Variants in CWH43 observed in about 807,000 individuals in gnomAD.
CWH43 encodes the protein cell wall biogenesis 43 C-terminal homolog, also known as PGAP2-interacting protein.
CWH43 carries 91 observed loss-of-function variants against 85.7 expected under a neutral mutation model. The observed-to-expected ratio is 1.06, with a 90% CI of 0.90 to 1.26. The LOEUF (loss-of-function observed/expected upper bound fraction) is 1.26. Among genes scored for constraint, CWH43 ranks in the 50% most tolerant of loss-of-function variants. The pLI is 0.00. For synonymous variants in CWH43, 323 were observed against 293.6 expected (o/e 1.10, Z -1.02); for missense variants, 869 against 839.2 (o/e 1.04, Z -0.44).
intron 9 of CWH43, among the ~76,000 whole-genome samples, chr4:49,026,555 C>T (rs1038733966): frequency 9.2e-5 from 14 of 152,008 alleles, no homozygotes; most frequent in African/African-American, 2.9e-4. Context: ...CCCATCCCTC[C>T]AAGTCCCCAA....
intron 1 of CWH43, among the ~76,000 whole-genome samples, chr4:48,988,138 A>G (rs1232567410): frequency 2.0e-5 from 3 of 152,204 alleles, no homozygotes; most frequent in Non-Finnish European, 4.4e-5. Context: ...GTGGGAGAAT[A>G]TGTACATTTC....
intron 4 of CWH43, among the ~76,000 whole-genome samples, chr4:48,993,674 A>G (rs1364338002): frequency 6.6e-6 from 1 of 152,182 alleles, no homozygotes; most frequent in African/African-American, 2.4e-5. Flanking sequence ...AAAGAGCTAC[A>G]CTGCCTAAGC....
intron 12 of CWH43, among the ~76,000 whole-genome samples, chr4:49,033,749 C>T (rs1447733325): frequency 6.6e-6 from 1 of 152,058 alleles, no homozygotes; most frequent in Non-Finnish European, 1.5e-5. Context: ...TAAAAGCAAA[C>T]ATAAAAGTAT....
chr4:49,044,145 C>T (rs1298277760), intron 13 of CWH43, among the ~76,000 whole-genome samples: 4 of 151,916 alleles, frequency 2.6e-5, no homozygotes, highest in Non-Finnish European at 5.9e-5. Context: ...TATAGTTTTC[C>T]CAACACATGA....
chr4:48,986,338 G>A lies in CWH43; in HGVS notation c.-92G>A. 7.9e-7 allele frequency: 1 copy of A among 1,263,422 alleles called. No individual in the cohort carries two copies. Among genetic ancestry groups the A allele is most frequent in the South Asian group, 1.4e-5 (1 of 71,362 alleles). The allele number at this position is 1,263,422 out of a possible 1,614,324, so 78.3% of individuals were successfully genotyped here. A position where few individuals can be genotyped will look rare whatever the true frequency, so the allele number is the denominator to read the frequency against. ...GAGGGGCGCGGACGCAGGCCCGGGA[G>A]GACGCGGCGGCGGGAACCTGGGGGC... is the stretch of plus-strand genomic sequence containing the variant. On this transcript the variant is annotated 5_prime_UTR_variant, in exon 1 of 16. Coordinates refer to ENST00000226432, the MANE Select transcript of CWH43 (RefSeq NM_025087.3).
At position 49,056,177 on chromosome 4, in the gene CWH43, G is replaced by A. The variant is rs377620190; in HGVS notation, c.2021+5328G>A. ...GAGAATATGCGGTGTTTGGTTTTTT[G>A]TTCTTGCGATAGTTTACTGAGAATG... On this transcript the variant is annotated intron_variant, in intron 15 of 15. Coordinates refer to ENST00000226432, the MANE Select transcript of CWH43 (RefSeq NM_025087.3). 2.8e-3 allele frequency among the ~76,000 whole-genome samples: 413 copies of A among 145,926 alleles called. 1 individual carries two copies. The highest frequency in any genetic ancestry group is 0.01 in the African/African-American group (394 of 39,282).
At chr4:49,009,721 C>T (rs1171839472) in intron 8 of CWH43, among the ~76,000 whole-genome samples, 2 of 152,138 alleles carry the variant, frequency 1.3e-5, no homozygotes. Flanking sequence ...TTTTCTGCAT[C>T]TATTGAGATA....
At position 49,044,774 on chromosome 4, in the gene CWH43, G is replaced by A. The variant is rs747929964; in HGVS notation, c.1804-12G>A. On this transcript the variant is annotated splice_polypyrimidine_tract_variant and intron_variant, in intron 13 of 15. Coordinates refer to ENST00000226432, the MANE Select transcript of CWH43 (RefSeq NM_025087.3). Reference sequence around the variant, plus strand: ...TTATGCTTTAAACATTCTCCTCTCTGCTCTTTATTAGGATATCGACAGCAC... The same window carrying A: ...TTATGCTTTAAACATTCTCCTCTCTACTCTTTATTAGGATATCGACAGCAC... 4 of 1,607,738 alleles carry A rather than the reference G, an allele frequency of 2.5e-6. No homozygotes were observed. Among genetic ancestry groups the A allele is most frequent in the Non-Finnish European group, 3.4e-6 (4 of 1,176,544 alleles).
intron 10 of CWH43, among the ~76,000 whole-genome samples, chr4:49,029,984 C>G (rs1236431750): frequency 2.6e-5 from 4 of 152,174 alleles, no homozygotes; most frequent in Non-Finnish European, 4.4e-5. Flanking sequence ...GCACCGGTCC[C>G]CTGGGCCCAC....
intron 3 of CWH43, 129 bp downstream of exon 3, chr4:48,991,703 T>G: frequency 8.7e-7 from 1 of 1,143,992 alleles, no homozygotes; most frequent in Non-Finnish European, 1.2e-6. Context: ...TCCTTTTTTT[T>G]CCTTTTCCCA....
intron 7 of CWH43, among the ~76,000 whole-genome samples, chr4:49,006,798 G>A (rs1783171498): frequency 1.3e-5 from 2 of 152,112 alleles, no homozygotes; most frequent in Non-Finnish European, 2.9e-5. Flanking sequence ...CATATTAAGA[G>A]CCTACGTATG....
chr4:49,024,149 T>G (rs1319929952), intron 9 of CWH43, among the ~76,000 whole-genome samples: 1 of 152,206 alleles, frequency 6.6e-6, no homozygotes, highest in Admixed American at 6.5e-5. Flanking sequence ...TTTTGTCTGA[T>G]ATAAAAATAG....
At chr4:48,994,478 T>C (rs1782749603) in intron 4 of CWH43, 141 bp from the exon 5 acceptor site, 1 of 662,172 alleles carries the variant, frequency 1.5e-6, no homozygotes, top group South Asian at 1.9e-5. Context: ...CTTCATATTG[T>C]AGTTGCATGT....
intron 13 of CWH43, among the ~76,000 whole-genome samples, chr4:49,041,923 G>A (rs1334375309): frequency 6.6e-6 from 1 of 152,220 alleles, no homozygotes; most frequent in Non-Finnish European, 1.5e-5. Flanking sequence ...TGTACAGAAA[G>A]TTGAGAGGTG....
At chr4:49,048,720 A>G (rs1784708150) in intron 14 of CWH43, among the ~76,000 whole-genome samples, 2 of 151,998 alleles carry the variant, frequency 1.3e-5, no homozygotes, top group Admixed American at 6.6e-5. Context: ...CCCTGCACTT[A>G]TGACCTCATT....
At chr4:49,049,549 A>G (rs770164682) in intron 14 of CWH43, among the ~76,000 whole-genome samples, 1 of 151,876 alleles carries the variant, frequency 6.6e-6, no homozygotes, top group Non-Finnish European at 1.5e-5. Context: ...AACAACAACA[A>G]CAGCAACAAC....
At chr4:49,048,418 CAT>C (rs896540496) in intron 14 of CWH43, among the ~76,000 whole-genome samples, 12 of 150,326 alleles carry the variant, frequency 8.0e-5, no homozygotes, top group African/African-American at 1.2e-4. Context: ...AATATGATAT[CAT>C]ATATATATTT....
Position 49,019,432 on chromosome 4 carries a change from G to T in CWH43, c.1266+2104G>T, listed in dbSNP as rs561474683. ...TGAGGGACATCAGGGTGACTGGCAT[G>T]GCTGAAGCTCGGTGAAGAGTAGTAG... On this transcript the variant is annotated intron_variant, in intron 9 of 15. Coordinates refer to ENST00000226432, the MANE Select transcript of CWH43 (RefSeq NM_025087.3). Among the ~76,000 whole-genome samples, 4 of 152,328 alleles carry T rather than the reference G, an allele frequency of 2.6e-5. No homozygotes were observed. In the South Asian group the frequency reaches 8.3e-4, roughly 32 times the overall value.
chr4:49,037,297 G>A (rs569768845), intron 12 of CWH43, among the ~76,000 whole-genome samples: 16 of 152,316 alleles, frequency 1.1e-4, no homozygotes, highest in East Asian at 5.8e-4. Flanking sequence ...TGGGCTGGGC[G>A]CAGTGGCTCA....
Sources: allele counts gnomAD v4.1 joint callset (sites outside exome capture counted in the v4.1 genomes callset), GRCh38; gene constraint gnomAD v4.1.1; transcripts MANE v1.5; gene names NCBI Gene and HGNC (gene_info 2026-07-23, HGNC 2026-07-21).